The following CHN1 variants were observed in gnomAD, a reference collection of about 807,000 sequenced individuals.
CHN1 encodes N-chimaerin.
A neutral mutation model predicts 59.5 loss-of-function variants in CHN1; 37 were observed. That is an observed-to-expected ratio of 0.62 (90% confidence interval 0.48 to 0.82). The LOEUF (loss-of-function observed/expected upper bound fraction) is 0.82, where lower values mean the gene tolerates loss of function less well. Ranked by LOEUF, CHN1 falls within the 40% of genes least tolerant of loss-of-function variation. The pLI is 0.00. For synonymous variants in CHN1, 206 were observed against 200.4 expected, an observed-to-expected ratio of 1.03 and a Z score of -0.24; for missense variants, 469 against 571.0, an observed-to-expected ratio of 0.82 and a Z score of 1.82.
chr2:174,995,278 C>T (rs989274560), intron 1 of CHN1, among the ~76,000 whole-genome samples: 1 of 152,158 alleles, frequency 6.6e-6, no homozygotes, highest in Admixed American at 6.5e-5. Context: ...CAACTGCAAT[C>T]TGAAAAAATT....
chr2:174,912,583 T>C (rs1210881589), intron 5 of CHN1, among the ~76,000 whole-genome samples: 3 of 152,168 alleles, frequency 2.0e-5, no homozygotes, highest in South Asian at 2.1e-4. Flanking sequence ...GGGTATAAAA[T>C]AGACAAACTG....
intron 5 of CHN1, among the ~76,000 whole-genome samples, 151 bp from the exon 6 acceptor site, chr2:174,878,279 T>C (rs151146491): frequency 1.3e-5 from 2 of 152,340 alleles, no homozygotes; most frequent in East Asian, 3.9e-4. Flanking sequence ...CTGAATCGTC[T>C]GGAATATATA....
At chr2:174,921,964 G>C (rs531040930) in intron 3 of CHN1, among the ~76,000 whole-genome samples, 63 of 152,254 alleles carry the variant, frequency 4.1e-4, no homozygotes, top group African/African-American at 1.4e-3. Context: ...TATCCCTCAT[G>C]AATCTTCTGT....
chr2:174,960,521 T>G (rs550417720), intron 1 of CHN1, among the ~76,000 whole-genome samples: 3 of 152,234 alleles, frequency 2.0e-5, no homozygotes, highest in Admixed American at 6.5e-5. Flanking sequence ...CTTTTAATAT[T>G]TATTGATATT....
At chr2:174,858,956 T>C (rs1254737048) in intron 6 of CHN1, among the ~76,000 whole-genome samples, 4 of 147,924 alleles carry the variant, frequency 2.7e-5, no homozygotes, top group African/African-American at 1.0e-4. Flanking sequence ...CTGAGAAAAA[T>C]CTACCATGCT....
chr2:175,003,756 T>C (rs1269637687), intron 1 of CHN1, among the ~76,000 whole-genome samples: 2 of 152,238 alleles, frequency 1.3e-5, no homozygotes, highest in East Asian at 3.8e-4. Flanking sequence ...AGTCCCAGAC[T>C]GAAGCCTGGT....
chr2:174,964,086 T>C (rs1690513403), intron 1 of CHN1, among the ~76,000 whole-genome samples: 1 of 152,192 alleles, frequency 6.6e-6, no homozygotes, highest in Non-Finnish European at 1.5e-5. Context: ...CCTGTGTATA[T>C]GTATGTGCAT....
intron 6 of CHN1, among the ~76,000 whole-genome samples, chr2:174,848,453 C>T (rs1686615376): frequency 6.6e-6 from 1 of 152,192 alleles, no homozygotes; most frequent in Non-Finnish European, 1.5e-5. Flanking sequence ...ATTTTGGTTC[C>T]CTAAGTACGT....
At chr2:174,812,897 A>C (rs1378526247) in intron 8 of CHN1, among the ~76,000 whole-genome samples, 1 of 152,222 alleles carries the variant, frequency 6.6e-6, no homozygotes, top group Admixed American at 6.5e-5. Context: ...GGACCTCCAA[A>C]AGTAGGAATA....
chr2:174,974,066 C>T (rs764565245), intron 1 of CHN1, among the ~76,000 whole-genome samples: 7 of 151,818 alleles, frequency 4.6e-5, no homozygotes, highest in Non-Finnish European at 1.0e-4. Context: ...TCTTTTTTTC[C>T]CATTTCCACT....
chr2:174,808,055 A>C (rs1357047069), intron 11 of CHN1, among the ~76,000 whole-genome samples: 1 of 152,248 alleles, frequency 6.6e-6, no homozygotes, highest in African/African-American at 2.4e-5. Flanking sequence ...TTGACAAATA[A>C]ACCTTTGCTT....
intron 7 of CHN1, among the ~76,000 whole-genome samples, chr2:174,842,231 G>T (rs923665111): frequency 6.6e-6 from 1 of 152,190 alleles, no homozygotes; most frequent in Non-Finnish European, 1.5e-5. Context: ...AAGGAAGAAT[G>T]GAGGGAGGCA....
At chr2:174,877,535 C>T (rs1687604197) in intron 6 of CHN1, among the ~76,000 whole-genome samples, 1 of 152,192 alleles carries the variant, frequency 6.6e-6, no homozygotes, top group Non-Finnish European at 1.5e-5. Context: ...TTTTCTTGAC[C>T]AGGAGTTATG....
At chr2:174,871,673 G>C (rs1687412780) in intron 6 of CHN1, among the ~76,000 whole-genome samples, 1 of 152,162 alleles carries the variant, frequency 6.6e-6, no homozygotes, top group Non-Finnish European at 1.5e-5. Flanking sequence ...AAATCAAAGT[G>C]AGTCCAACTT....
At chr2:174,857,041 C>A (rs906359626) in intron 6 of CHN1, among the ~76,000 whole-genome samples, 1 of 152,044 alleles carries the variant, frequency 6.6e-6, no homozygotes, top group Non-Finnish European at 1.5e-5. Flanking sequence ...TAGTTTATAA[C>A]AAAATATAAT....
intron 11 of CHN1, among the ~76,000 whole-genome samples, chr2:174,805,567 A>T (rs2105375165): frequency 6.6e-6 from 1 of 152,294 alleles, no homozygotes; most frequent in South Asian, 2.1e-4. Flanking sequence ...GTCCAAGTAG[A>T]GGTGATGGGA....
intron 5 of CHN1, among the ~76,000 whole-genome samples, chr2:174,894,137 T>A (rs1028874333): frequency 2.7e-5 from 2 of 73,880 alleles, no homozygotes; most frequent in African/African-American, 6.5e-5. Flanking sequence ...ACAAAAAACT[T>A]CTGCACAATG....
At chr2:174,944,157 A>G (rs1689757443) in intron 3 of CHN1, among the ~76,000 whole-genome samples, 1 of 152,206 alleles carries the variant, frequency 6.6e-6, no homozygotes. Context: ...TCCTACAATA[A>G]AAAACTTTGA....
Position 174,798,822 on chromosome 2 carries a change from C to A in CHN1, c.*1294G>T, listed in dbSNP as rs1162889687. Reference sequence around the variant, plus strand: ...TAATCTTCAAAGTTTGAACATGTGTCTTTTATTGTTAAAAATTTGAAAACA... The same window carrying A: ...TAATCTTCAAAGTTTGAACATGTGTATTTTATTGTTAAAAATTTGAAAACA... On this transcript the variant is annotated 3_prime_UTR_variant, in exon 13 of 13. Transcript: ENST00000409900. Among the ~76,000 whole-genome samples, 1 of 152,204 alleles carries A rather than the reference C, an allele frequency of 6.6e-6. No homozygotes were observed. Among genetic ancestry groups the A allele is most frequent in the African/African-American group, 2.4e-5 (1 of 41,462 alleles).
Sources: allele counts gnomAD v4.1 joint callset (sites outside exome capture counted in the v4.1 genomes callset), GRCh38; gene constraint gnomAD v4.1.1; transcripts MANE v1.5; gene names NCBI Gene and HGNC (gene_info 2026-07-23, HGNC 2026-07-21).